The following WBP2NL variants were observed in gnomAD, a reference collection of about 807,000 sequenced individuals.
WBP2NL encodes WBP2 N-terminal like.
WBP2NL carries 27 observed loss-of-function variants against 23.3 expected under a neutral mutation model. The observed-to-expected ratio is 1.16, with a 90% CI of 0.85 to 1.60. The LOEUF (loss-of-function observed/expected upper bound fraction) is 1.60. WBP2NL is among the 40% of genes most tolerant of loss of function. The pLI is 0.00. For missense variants in WBP2NL, 370 were observed against 389.5 expected (o/e 0.95, Z 0.42); for synonymous variants, 151 against 145.9 (o/e 1.03, Z -0.25).
At chr22:42,053,013 C>T (rs576509692) in intron 8 of WBP2NL, among the ~76,000 whole-genome samples, 1 of 152,360 alleles carries the variant, frequency 6.6e-6, no homozygotes, top group South Asian at 2.1e-4. Flanking sequence ...TTCCCTCCAT[C>T]CCTTGGCAAC....
chr22:42,050,040 A>G (rs933270121), intron 8 of WBP2NL, among the ~76,000 whole-genome samples: 8 of 151,414 alleles, frequency 5.3e-5, no homozygotes, highest in African/African-American at 1.9e-4. Context: ...CATCTTTTAT[A>G]TCTAAAATTT....
chr22:42,047,585 CA>C (rs1240788873), intron 8 of WBP2NL, among the ~76,000 whole-genome samples: 1 of 147,346 alleles, frequency 6.8e-6, no homozygotes, highest in Non-Finnish European at 1.5e-5. Flanking sequence ...AAAACAACAA[CA>C]AAAAACCCCC....
intron 1 of WBP2NL, chr22:42,001,524 C>T: frequency 9.8e-7 from 1 of 1,023,788 alleles, no homozygotes; most frequent in Non-Finnish European, 1.5e-6. Flanking sequence ...CTTTCAGCTC[C>T]AGCTTTGCCC....
intron 8 of WBP2NL, among the ~76,000 whole-genome samples, chr22:42,037,933 TCTTA>T: frequency 6.6e-6 from 1 of 152,106 alleles, no homozygotes. Flanking sequence ...GCAAAAATAA[TCTTA>T]CTTTTTCCTT....
intron 1 of WBP2NL, 123 bp downstream of exon 1, chr22:41,999,003 C>A: frequency 8.4e-7 from 1 of 1,188,066 alleles, no homozygotes; most frequent in Non-Finnish European, 1.1e-6. Context: ...GCGCTCTTAG[C>A]TCCGCCCCCG....
At chr22:42,002,315 G>T (rs559950594) in intron 1 of WBP2NL, among the ~76,000 whole-genome samples, 1 of 152,272 alleles carries the variant, frequency 6.6e-6, no homozygotes, top group East Asian at 1.9e-4. Context: ...AGGCGTGGTG[G>T]CTCACGCCTG....
chr22:42,047,600 C>T (rs1160081985), intron 8 of WBP2NL, among the ~76,000 whole-genome samples: 1 of 148,378 alleles, frequency 6.7e-6, no homozygotes, highest in Non-Finnish European at 1.5e-5. Flanking sequence ...AACCCCCCGC[C>T]TCCCAAAAAA....
intron 8 of WBP2NL, among the ~76,000 whole-genome samples, chr22:42,047,043 A>G (rs542235101): frequency 6.9e-4 from 105 of 152,290 alleles, no homozygotes; most frequent in African/African-American, 2.5e-3. Flanking sequence ...TATTCAAAAC[A>G]CAACTTCTCA....
chr22:42,045,274 T>TA (rs1488624445), intron 8 of WBP2NL, among the ~76,000 whole-genome samples: 6 of 151,406 alleles, frequency 4.0e-5, no homozygotes, highest in Admixed American at 6.6e-5. Context: ...CCGTCTCTAC[T>TA]AAAAAAAATA....
At chr22:42,000,078 C>G (rs959422601) in intron 1 of WBP2NL, among the ~76,000 whole-genome samples, 2 of 152,196 alleles carry the variant, frequency 1.3e-5, no homozygotes, top group Non-Finnish European at 2.9e-5. Flanking sequence ...GACTTGCCCT[C>G]AATTTCCTTT....
At chr22:42,057,307 T>C (rs1002022125) in intron 8 of WBP2NL, among the ~76,000 whole-genome samples, 2 of 152,204 alleles carry the variant, frequency 1.3e-5, no homozygotes, top group Admixed American at 6.5e-5. Context: ...AATCTACTAT[T>C]ATTAAACCTC....
chr22:42,006,871 A>G lies in WBP2NL; in HGVS notation c.62+7991A>G, dbSNP rs1922303492. On this transcript the variant is annotated intron_variant, in intron 1 of 5. Coordinates refer to ENST00000328823, the MANE Select transcript of WBP2NL (RefSeq NM_152613.3). ...TTCTGACCCCAGCTGAGAAGTCATG[A>G]ACATATGGGACAGACTCTACTGTAA... Among the ~76,000 whole-genome samples the G allele has an allele frequency of 2.0e-5, 3 of 152,220 alleles. No individual in the cohort carries two copies. The South Asian group carries it at 6.2e-4, about 31-fold the overall frequency.
chr22:42,057,891 A>G (rs1602487423), intron 8 of WBP2NL, among the ~76,000 whole-genome samples: 3 of 23,354 alleles, frequency 1.3e-4, no homozygotes, highest in African/African-American at 5.5e-4. Flanking sequence ...ATATATATAT[A>G]TATATATATA....
intron 1 of WBP2NL, among the ~76,000 whole-genome samples, chr22:42,010,259 C>T (rs1004920463): frequency 5.3e-5 from 8 of 152,156 alleles, no homozygotes; most frequent in Non-Finnish European, 8.8e-5. Context: ...GTTAATTTTA[C>T]TTCTTCCTTC....
intron 8 of WBP2NL, among the ~76,000 whole-genome samples, chr22:42,043,706 C>T (rs778515096): frequency 8.6e-5 from 13 of 151,048 alleles, no homozygotes; most frequent in South Asian, 2.1e-4. Context: ...ATCTTTGACA[C>T]GCTAGCCAAA....
intron 8 of WBP2NL, among the ~76,000 whole-genome samples, chr22:42,052,721 C>T (rs773115276): frequency 7.9e-5 from 12 of 152,066 alleles, no homozygotes; most frequent in Non-Finnish European, 1.5e-4. Context: ...TGCATATTGC[C>T]TTGGCAGCCC....
At chr22:42,019,543 A>C in intron 2 of WBP2NL, 119 bp from the exon 3 acceptor site, 3 of 1,524,592 alleles carry the variant, frequency 2.0e-6, no homozygotes, top group Non-Finnish European at 2.7e-6. Flanking sequence ...TTCCACACTG[A>C]AGGGTGGTGG....
At chr22:42,053,100 C>T (rs1925894573) in intron 8 of WBP2NL, among the ~76,000 whole-genome samples, 1 of 152,192 alleles carries the variant, frequency 6.6e-6, no homozygotes, top group Admixed American at 6.5e-5. Context: ...AATGCATGTA[C>T]TTTTGTGTCT....
chr22:42,002,010 GAATCGGC>G (rs1921750233), intron 1 of WBP2NL: 3 of 773,782 alleles, frequency 3.9e-6, no homozygotes, highest in Non-Finnish European at 5.7e-6. Context: ...ACTGGTCCGA[GAATCGGC>G]TTTGACTCCG....
Sources: allele counts gnomAD v4.1 joint callset (sites outside exome capture counted in the v4.1 genomes callset), GRCh38; gene constraint gnomAD v4.1.1; transcripts MANE v1.5; gene names NCBI Gene and HGNC (gene_info 2026-07-23, HGNC 2026-07-21).